CNBD1: variants seen among roughly 807,000 people sequenced by gnomAD.
CNBD1 encodes cyclic nucleotide-binding domain-containing protein 1.
In CNBD1, 71 loss-of-function variants were observed where a neutral mutation model predicts 54.4. That is an observed-to-expected ratio of 1.30 (90% CI 1.08 to 1.59). The LOEUF (loss-of-function observed/expected upper bound fraction) is 1.59, where lower values mean the gene tolerates loss of function less well. Among genes scored for constraint, CNBD1 ranks in the 40% most tolerant of loss-of-function variants. The pLI is 0.00. For synonymous variants in CNBD1, 182 were observed against 170.7 expected (o/e 1.07, Z -0.51); for missense variants, 659 against 518.0 (o/e 1.27, Z -2.64).
At position 86,915,471 on chromosome 8, in the gene CNBD1, G is replaced by A. The variant is rs1809169271; in HGVS notation, c.272+10277G>A. Among the ~76,000 whole-genome samples the A allele has an allele frequency of 2.0e-5, 3 of 152,172 alleles. No homozygotes were observed. In the South Asian group the frequency reaches 6.2e-4, roughly 31 times the overall value. On this transcript the variant is annotated intron_variant, in intron 3 of 10. Transcript: ENST00000518476. ...CCATTAGCTTTACAAATGCAGTTGAGTTTTGGGGAAGGGCTATTATCATTT... is the reference window on the plus strand; with the variant it reads ...CCATTAGCTTTACAAATGCAGTTGAATTTTGGGGAAGGGCTATTATCATTT...
At chr8:87,018,460 T>A (rs1563436506) in intron 4 of CNBD1, among the ~76,000 whole-genome samples, 1 of 152,212 alleles carries the variant, frequency 6.6e-6, no homozygotes, top group South Asian at 2.1e-4. Flanking sequence ...TAACTTTTTT[T>A]AAGTACAAAT....
intron 4 of CNBD1, among the ~76,000 whole-genome samples, chr8:87,086,996 G>T (rs1043856459): frequency 2.0e-5 from 3 of 151,718 alleles, no homozygotes; most frequent in Admixed American, 6.6e-5. Context: ...TGAACCAGAG[G>T]TTTATAATGT....
At chr8:87,169,413 G>A (rs932016311) in intron 4 of CNBD1, among the ~76,000 whole-genome samples, 3 of 151,998 alleles carry the variant, frequency 2.0e-5, no homozygotes, top group Non-Finnish European at 4.4e-5. Flanking sequence ...TTAACTTGAT[G>A]TGATTCCGTT....
chr8:87,161,924 GC>G (rs1375308690), intron 4 of CNBD1, among the ~76,000 whole-genome samples: 5 of 151,906 alleles, frequency 3.3e-5, no homozygotes, highest in African/African-American at 9.7e-5. Context: ...TACTTCTTTT[GC>G]ATGAATTAGA....
chr8:86,921,412 C>A (rs1375259584), intron 3 of CNBD1, among the ~76,000 whole-genome samples: 2 of 151,962 alleles, frequency 1.3e-5, no homozygotes, highest in Non-Finnish European at 2.9e-5. Flanking sequence ...ATAAAACTTA[C>A]ACTATCTGAA....
intron 1 of CNBD1, among the ~76,000 whole-genome samples, chr8:86,867,827 G>T (rs77085201): frequency 0.015 from 2,355 of 152,268 alleles, 59 homozygotes; most frequent in African/African-American, 0.052. Context: ...TGAGATTTGT[G>T]CTACCCTCTG....
chr8:87,151,704 A>G (rs1352976367), intron 4 of CNBD1, among the ~76,000 whole-genome samples: 2 of 152,178 alleles, frequency 1.3e-5, no homozygotes, highest in Non-Finnish European at 2.9e-5. Context: ...CTCATTATTT[A>G]CCATTAATTT....
intron 4 of CNBD1, among the ~76,000 whole-genome samples, chr8:86,989,304 A>AATAAATACATACATACATAC (rs1554637046): frequency 6.7e-6 from 1 of 149,144 alleles, no homozygotes; most frequent in African/African-American, 2.5e-5. Flanking sequence ...AAAACAAATA[A>AATAAATACATACATACATAC]ATACATACAT....
intron 3 of CNBD1, among the ~76,000 whole-genome samples, chr8:86,937,672 A>G (rs879354686): frequency 7.2e-5 from 11 of 152,150 alleles, no homozygotes; most frequent in Admixed American, 5.9e-4. Flanking sequence ...TGGCTGGGAC[A>G]CAGGGCACCA....
At chr8:87,119,672 A>T (rs1811851413) in intron 4 of CNBD1, among the ~76,000 whole-genome samples, 1 of 152,104 alleles carries the variant, frequency 6.6e-6, no homozygotes, top group African/African-American at 2.4e-5. Flanking sequence ...CCTTAGAGGA[A>T]ATAATTTCAG....
chr8:87,360,779 A>C (rs1429355806), intron 10 of CNBD1, among the ~76,000 whole-genome samples: 3 of 151,880 alleles, frequency 2.0e-5, no homozygotes, highest in Admixed American at 1.3e-4. Flanking sequence ...GAAAAGGAAA[A>C]TTTCAATTCC....
intron 4 of CNBD1, among the ~76,000 whole-genome samples, chr8:87,130,246 T>C (rs1455498863): frequency 6.6e-6 from 1 of 152,196 alleles, no homozygotes; most frequent in Admixed American, 6.5e-5. Context: ...TTCTCAATAA[T>C]CCCATTATGG....
chr8:87,001,766 T>C (rs1044500085), intron 4 of CNBD1, among the ~76,000 whole-genome samples: 1 of 152,168 alleles, frequency 6.6e-6, no homozygotes, highest in African/African-American at 2.4e-5. Context: ...TCTGAGATTC[T>C]TTATTAATGT....
chr8:87,120,625 A>G (rs781730576), intron 4 of CNBD1, among the ~76,000 whole-genome samples: 1 of 151,784 alleles, frequency 6.6e-6, no homozygotes, highest in African/African-American at 2.4e-5. Flanking sequence ...TTGCTTTTCT[A>G]GTTCCTTGTG....
intron 2 of CNBD1, among the ~76,000 whole-genome samples, chr8:87,416,068 C>T (rs1393431530): frequency 6.6e-6 from 1 of 151,810 alleles, no homozygotes; most frequent in Admixed American, 6.6e-5. Flanking sequence ...AGTTGGAACA[C>T]TTTCTCAATA....
chr8:87,294,253 G>A (rs1344806494), intron 8 of CNBD1, among the ~76,000 whole-genome samples: 1 of 152,172 alleles, frequency 6.6e-6, no homozygotes, highest in Non-Finnish European at 1.5e-5. Context: ...CATTATTTGG[G>A]AGTATTGTAT....
intron 2 of CNBD1, among the ~76,000 whole-genome samples, chr8:87,411,839 A>G (rs886268389): frequency 2.0e-5 from 3 of 151,934 alleles, no homozygotes; most frequent in East Asian, 1.9e-4. Flanking sequence ...ATCATTTTTC[A>G]ATAATAATAT....
chr8:87,257,881 A>G (rs1281646786), intron 6 of CNBD1, among the ~76,000 whole-genome samples: 6 of 152,136 alleles, frequency 3.9e-5, no homozygotes, highest in Non-Finnish European at 8.8e-5. Context: ...GCATTTTTAT[A>G]CAAGGAAATT....
At chr8:87,261,437 T>C (rs1554573593) in intron 6 of CNBD1, among the ~76,000 whole-genome samples, 2 of 149,340 alleles carry the variant, frequency 1.3e-5, no homozygotes, top group Non-Finnish European at 2.9e-5. Context: ...AATTGAGCAA[T>C]GAACCATTCA....
Sources: gnomAD v4.1 joint callset for allele counts (sites outside exome capture counted in the v4.1 genomes callset) on GRCh38, gnomAD v4.1.1 for gene constraint, MANE v1.5 for transcripts, NCBI Gene and HGNC (gene_info 2026-07-23, HGNC 2026-07-21) for gene names.